The following RAD18 variants were observed in gnomAD, a reference collection of about 807,000 sequenced individuals.
RAD18 encodes E3 ubiquitin-protein ligase RAD18.
A neutral mutation model predicts 60.4 loss-of-function variants in RAD18; 47 were observed. The ratio of observed to expected loss-of-function variants is 0.78; its 90% CI spans 0.62 to 0.99. RAD18 has a LOEUF of 0.99. Ranked by LOEUF, RAD18 falls within the 50% of genes least tolerant of loss-of-function variation. The probability of loss-of-function intolerance (pLI) is 0.00; values close to 1 mark genes in which losing one functional copy is unlikely to be tolerated. For missense variants in RAD18, 640 were observed against 593.3 expected (o/e 1.08, Z -0.82); for synonymous variants, 225 against 195.5 (o/e 1.15, Z -1.26).
intron 7 of RAD18, among the ~76,000 whole-genome samples, chr3:8,930,116 G>A (rs1441368227): frequency 6.6e-6 from 1 of 152,106 alleles, no homozygotes. Flanking sequence ...ATAAAAATTT[G>A]TACATAAATG....
chr3:8,937,980 G>A (rs941291760), intron 6 of RAD18, among the ~76,000 whole-genome samples: 1 of 152,136 alleles, frequency 6.6e-6, no homozygotes, highest in African/African-American at 2.4e-5. Context: ...ACTGATGGAT[G>A]GATCTAGAAA....
chr3:8,923,183 G>A (rs1940360936), intron 7 of RAD18, among the ~76,000 whole-genome samples: 1 of 152,154 alleles, frequency 6.6e-6, no homozygotes, highest in Non-Finnish European at 1.5e-5. Flanking sequence ...TTAGACGAAT[G>A]GCTAACTAGA....
intron 7 of RAD18, among the ~76,000 whole-genome samples, chr3:8,932,285 A>T (rs1298779401): frequency 1.3e-5 from 2 of 152,224 alleles, no homozygotes; most frequent in Non-Finnish European, 2.9e-5. Context: ...CATATATTTT[A>T]AAAATTCAGT....
rs45472192 is a variant in RAD18, at chr3:8,912,554, T to C, written c.967-182A>G. Reference sequence around the variant, plus strand: ...CTTCCCTTAAATACCAGAAATGGTATACATTTTACTCATTATTTTTTCTCA... The same window carrying C: ...CTTCCCTTAAATACCAGAAATGGTACACATTTTACTCATTATTTTTTCTCA... On this transcript the variant is annotated intron_variant, in intron 8 of 12. Transcript: ENST00000264926. The C allele has an allele frequency of 4.0e-3, 1,556 of 384,716 alleles. 21 individuals carry two copies. The highest frequency in any genetic ancestry group is 0.029 in the African/African-American group (1,406 of 48,008). The allele number at this position is 384,716 out of a possible 1,614,324, so 23.8% of individuals were successfully genotyped here. A position where few individuals can be genotyped will look rare whatever the true frequency, so the allele number is the denominator to read the frequency against.
intron 9 of RAD18, among the ~76,000 whole-genome samples, chr3:8,910,716 A>C (rs1383548817): frequency 6.6e-6 from 1 of 152,224 alleles, no homozygotes; most frequent in Non-Finnish European, 1.5e-5. Flanking sequence ...AGCTTACAAA[A>C]ACTTATGACA....
intron 9 of RAD18, among the ~76,000 whole-genome samples, chr3:8,908,272 C>CT (rs1559767985): frequency 3.4e-4 from 49 of 144,068 alleles, no homozygotes; most frequent in South Asian, 1.8e-3. Flanking sequence ...TCACTTTAAG[C>CT]ATTTTTTTTT....
chr3:8,920,278 C>CAAAAAAAAAAAAAAAAAAAAAA (rs60504682), intron 7 of RAD18, among the ~76,000 whole-genome samples: 3 of 70,060 alleles, frequency 4.3e-5, no homozygotes, highest in African/African-American at 8.8e-5. Flanking sequence ...GACTCCGTCT[C>CAAAAAAAAAAAAAAAAAAAAAA]AAAAAAAAAA....
chr3:8,898,988 G>C lies in RAD18; in HGVS notation c.1228C>G (p.Pro410Ala), dbSNP rs572736981. 4.3e-6 allele frequency: 7 copies of C among 1,609,626 alleles called. No homozygotes were observed. The African/African-American group carries it at 5.3e-5, about 12-fold the overall frequency. Residue 410 changes from proline (P) to alanine (A), a missense_variant, in exon 11 of 13, where the codon CCA (proline) becomes GCA (alanine). Transcript: ENST00000264926. ...TCTCTGTCAGGTTCCAATTCCTCTG[G>C]GGAGTCCAGCTTTGATTGAGAAAAG... is the stretch of plus-strand genomic sequence containing the variant. The part of the protein sequence containing the change: ...NHFSQSKLDS[P>A]EELEPDREED...
intron 7 of RAD18, among the ~76,000 whole-genome samples, chr3:8,915,563 C>T (rs1940184845): frequency 6.6e-6 from 1 of 151,598 alleles, no homozygotes; most frequent in Non-Finnish European, 1.5e-5. Flanking sequence ...GCGGGCATCA[C>T]ATCCATTTGC....
intron 7 of RAD18, among the ~76,000 whole-genome samples, chr3:8,918,260 G>A (rs903948019): frequency 3.6e-5 from 5 of 139,950 alleles, no homozygotes; most frequent in Non-Finnish European, 6.1e-5. Flanking sequence ...GGAGGTTGTA[G>A]TGAGCTGAGA....
At position 8,935,721 on chromosome 3, in the gene RAD18, C is replaced by T. The variant is rs1003243245; in HGVS notation, c.889+150G>A. The stretch of plus-strand genomic sequence containing the variant: ...AGGAAGGCTGGCTTATCATAGCATA[C>T]TCTAGGTACCTTTTGAAGGAACACA... On this transcript the variant is annotated intron_variant, in intron 7 of 12. Coordinates refer to ENST00000264926, the MANE Select transcript of RAD18 (RefSeq NM_020165.4). 4.1e-6 allele frequency: 3 copies of T among 726,120 alleles called. No homozygotes were observed. The African/African-American group carries it at 5.6e-5, about 14-fold the overall frequency. 45.0% of individuals were successfully genotyped at this position (726,120 alleles called of 1,614,324 possible). A position where few individuals can be genotyped will look rare whatever the true frequency, so the allele number is the denominator to read the frequency against.
chr3:8,950,580 C>G (rs1218915330), intron 2 of RAD18, among the ~76,000 whole-genome samples: 2 of 152,108 alleles, frequency 1.3e-5, no homozygotes, highest in Non-Finnish European at 2.9e-5. Flanking sequence ...TCTGCCCATA[C>G]CTAAAGGCCT....
intron 1 of RAD18, among the ~76,000 whole-genome samples, chr3:8,962,017 G>C (rs1464506737): frequency 1.3e-5 from 2 of 152,186 alleles, no homozygotes; most frequent in African/African-American, 4.8e-5. Flanking sequence ...TTCATTGAAT[G>C]CTTACTACAT....
chr3:8,958,402 T>C (rs1355235259), intron 2 of RAD18, among the ~76,000 whole-genome samples: 1 of 152,242 alleles, frequency 6.6e-6, no homozygotes, highest in Non-Finnish European at 1.5e-5. Flanking sequence ...GCTTATATAC[T>C]AGACTCTTAA....
chr3:8,886,135 A>G (rs1406066294), intron 12 of RAD18, among the ~76,000 whole-genome samples: 1 of 152,230 alleles, frequency 6.6e-6, no homozygotes, highest in Non-Finnish European at 1.5e-5. Context: ...CAATTAGAAC[A>G]TAATTACTCT....
chr3:8,955,103 G>A (rs1436193507), intron 2 of RAD18, among the ~76,000 whole-genome samples: 13 of 152,138 alleles, frequency 8.5e-5, no homozygotes, highest in African/African-American at 3.1e-4. Context: ...CACTTACATT[G>A]CGGGGGCTAC....
intron 9 of RAD18, among the ~76,000 whole-genome samples, chr3:8,909,951 G>A (rs1463101243): frequency 6.6e-6 from 1 of 152,208 alleles, no homozygotes; most frequent in African/African-American, 2.4e-5. Context: ...CGTTTCTCAG[G>A]AAGTTTCCTG....
chr3:8,902,401 T>C lies in RAD18; in HGVS notation c.1147A>G (p.Lys383Glu). 1 of 1,603,886 alleles carries C rather than the reference T, an allele frequency of 6.2e-7. No individual in the cohort carries two copies. The highest frequency in any genetic ancestry group is 1.7e-4 in the Middle Eastern group (1 of 6,022). Residue 383 changes from lysine to glutamate, a missense_variant, in exon 10 of 13, where the codon AAG (lysine) becomes GAG (glutamate). Transcript: ENST00000264926. ...TTACCCATGCATACAGAAGATAGCT[T>C]TTCTGTAGATTCATCTTCTTTTGTT... ...TITKEDESTE[K>E]LSSVCMGQED...
intron 5 of RAD18, among the ~76,000 whole-genome samples, chr3:8,941,089 G>A (rs1007702893): frequency 1.3e-5 from 2 of 152,146 alleles, no homozygotes; most frequent in Admixed American, 1.3e-4. Context: ...ATTGTCACAG[G>A]CTTTATATGG....
Sources: allele counts gnomAD v4.1 joint callset (sites outside exome capture counted in the v4.1 genomes callset), GRCh38; gene constraint gnomAD v4.1.1; transcripts MANE v1.5; gene names NCBI Gene and HGNC (gene_info 2026-07-23, HGNC 2026-07-21).